Variants in FAM168A observed in about 807,000 individuals in gnomAD.
FAM168A encodes family with sequence similarity 168 member A.
Under a neutral mutation model 28.5 loss-of-function variants are expected in FAM168A, and 3 were observed. The ratio of observed to expected loss-of-function variants is 0.11; its 90% CI spans 0.05 to 0.27. FAM168A has a LOEUF of 0.27. FAM168A is among the 10% of genes least tolerant of loss of function. The pLI, the probability that FAM168A is intolerant of heterozygous loss-of-function variation, is 1.00. For missense variants in FAM168A, 222 were observed against 311.5 expected (o/e 0.71, Z 2.16); for synonymous variants, 122 against 124.2 (o/e 0.98, Z 0.12).
At position 73,550,445 on chromosome 11, in the gene FAM168A, A is replaced by G. The variant is rs939082015; in HGVS notation, c.-19+47478T>C. On this transcript the variant is annotated intron_variant, in intron 1 of 7. Transcript: ENST00000356467. The stretch of plus-strand genomic sequence containing the variant: ...CAAGGCAGGCAGACTGCTGGAGCCC[A>G]GGAGTTCAAGACCAGCCTGGGCAAC... Among the ~76,000 whole-genome samples, 4 of 152,086 alleles carry G rather than the reference A, an allele frequency of 2.6e-5. No homozygotes were observed. The South Asian group carries it at 8.3e-4, about 32-fold the overall frequency.
Position 73,422,654 on chromosome 11 carries a change from T to G in FAM168A, c.152-2655A>C, listed in dbSNP as rs141461331. ...CTTTGGGTGCTTGAAAAGTACCACT[T>G]CCTAGAGATGTTTTGTATTTTGAAC... On this transcript the variant is annotated intron_variant, in intron 3 of 7. Coordinates refer to ENST00000356467, the MANE Select transcript of FAM168A (RefSeq NM_015159.3). 7.2e-5 allele frequency among the ~76,000 whole-genome samples: 11 copies of G among 152,346 alleles called. No individual in the cohort carries two copies. In the East Asian group the frequency reaches 1.9e-3, roughly 27 times the overall value.
chr11:73,543,827 C>A (rs192737014), intron 1 of FAM168A, among the ~76,000 whole-genome samples: 1 of 152,162 alleles, frequency 6.6e-6, no homozygotes, highest in East Asian at 1.9e-4. Flanking sequence ...TATCACCAAG[C>A]TAGGTAGTAA....
In FAM168A at chr11:73,404,566, T is replaced by C. The variant is rs1866469427; in HGVS notation, c.*2197A>G. ...GTATTTGCAAAAAGTGAATTAACAC[T>C]GGAAAACTTTCTATTGTTTTAAAGT... On this transcript the variant is annotated 3_prime_UTR_variant, in exon 8 of 8. Transcript: ENST00000356467. 1 of 152,246 alleles carries C rather than the reference T, an allele frequency of 6.6e-6. No homozygotes were observed. The highest frequency in any genetic ancestry group is 6.5e-5 in the Admixed American group (1 of 15,290). The allele number at this position is 152,246 out of a possible 1,614,324, so 9.4% of individuals were successfully genotyped here. A position where few individuals can be genotyped will look rare whatever the true frequency, so the allele number is the denominator to read the frequency against.
chr11:73,435,784 A>C (rs1000407044), intron 2 of FAM168A, among the ~76,000 whole-genome samples: 4 of 152,146 alleles, frequency 2.6e-5, no homozygotes, highest in Admixed American at 2.0e-4. Flanking sequence ...TGAGTTCTTG[A>C]AAAGACATAC....
chr11:73,576,643 T>C (rs950492955), intron 1 of FAM168A, among the ~76,000 whole-genome samples: 3 of 152,190 alleles, frequency 2.0e-5, no homozygotes, highest in Non-Finnish European at 2.9e-5. Flanking sequence ...GTTTTCTACA[T>C]GCCCCCCAAC....
chr11:73,584,693 G>A (rs1442967610), intron 1 of FAM168A, among the ~76,000 whole-genome samples: 1 of 151,366 alleles, frequency 6.6e-6, no homozygotes, highest in African/African-American at 2.4e-5. Flanking sequence ...TAGCCAGGAT[G>A]GTCTTGATCT....
At chr11:73,431,385 G>T (rs1163242742) in intron 2 of FAM168A, among the ~76,000 whole-genome samples, 1 of 137,092 alleles carries the variant, frequency 7.3e-6, no homozygotes, top group East Asian at 2.2e-4. Context: ...AAGCAACATT[G>T]AAGTTTACAC....
intron 1 of FAM168A, among the ~76,000 whole-genome samples, chr11:73,545,557 A>G (rs995591802): frequency 4.6e-5 from 7 of 152,154 alleles, no homozygotes; most frequent in African/African-American, 1.7e-4. Context: ...AAAACCACTC[A>G]ACTATACAAT....
intron 1 of FAM168A, among the ~76,000 whole-genome samples, chr11:73,520,505 A>G (rs570406898): frequency 1.3e-5 from 2 of 152,334 alleles, no homozygotes; most frequent in Non-Finnish European, 2.9e-5. Context: ...ACAAAGGAAC[A>G]TATGGTTTGA....
At chr11:73,426,826 TG>T (rs1866894344) in intron 3 of FAM168A, among the ~76,000 whole-genome samples, 1 of 152,060 alleles carries the variant, frequency 6.6e-6, no homozygotes, top group Non-Finnish European at 1.5e-5. Flanking sequence ...ACTCCGAGTT[TG>T]GGGCCTTTAA....
At chr11:73,459,695 A>T (rs1213061509) in intron 2 of FAM168A, among the ~76,000 whole-genome samples, 2 of 152,074 alleles carry the variant, frequency 1.3e-5, no homozygotes, top group African/African-American at 4.8e-5. Context: ...GAATTGTCAA[A>T]TTTCAACTAT....
At chr11:73,518,590 C>T (rs982714025) in intron 1 of FAM168A, among the ~76,000 whole-genome samples, 1 of 151,830 alleles carries the variant, frequency 6.6e-6, no homozygotes, top group African/African-American at 2.4e-5. Flanking sequence ...TTGTTCCCTC[C>T]AGTGCTGGCT....
At chr11:73,525,314 T>G (rs978687369) in intron 1 of FAM168A, among the ~76,000 whole-genome samples, 1 of 152,142 alleles carries the variant, frequency 6.6e-6, no homozygotes, top group African/African-American at 2.4e-5. Context: ...TTTTTTAAAC[T>G]GGGGAAAGGG....
At chr11:73,445,833 A>C (rs1321685269) in intron 2 of FAM168A, among the ~76,000 whole-genome samples, 2 of 152,176 alleles carry the variant, frequency 1.3e-5, no homozygotes, top group African/African-American at 2.4e-5. Context: ...CAAATATTCT[A>C]TCTCTGTTTC....
intron 2 of FAM168A, among the ~76,000 whole-genome samples, chr11:73,465,123 G>A (rs1221649105): frequency 6.6e-6 from 1 of 150,638 alleles, no homozygotes; most frequent in Non-Finnish European, 1.5e-5. Context: ...ATCTGTATAG[G>A]TCATTATTCC....
intron 1 of FAM168A, among the ~76,000 whole-genome samples, chr11:73,505,073 G>A (rs776967748): frequency 2.0e-5 from 3 of 151,814 alleles, no homozygotes; most frequent in South Asian, 2.1e-4. Flanking sequence ...CATGGCACAC[G>A]TATACCTATG....
At chr11:73,469,837 T>C (rs550083306) in intron 1 of FAM168A, among the ~76,000 whole-genome samples, 8 of 152,312 alleles carry the variant, frequency 5.3e-5, no homozygotes, top group African/African-American at 1.9e-4. Flanking sequence ...ACATACACTC[T>C]CTCTCTAAAT....
At chr11:73,440,634 A>C (rs900604861) in intron 2 of FAM168A, among the ~76,000 whole-genome samples, 5 of 152,194 alleles carry the variant, frequency 3.3e-5, no homozygotes, top group African/African-American at 1.2e-4. Flanking sequence ...GTCTCAAAAG[A>C]AGAAAAAGGA....
chr11:73,561,081 C>A (rs559420452), intron 1 of FAM168A, among the ~76,000 whole-genome samples: 1,815 of 123,870 alleles, frequency 0.015, 52 homozygotes, highest in African/African-American at 0.041. Context: ...AAACAAAAAA[C>A]AAAAAGACCG....
Sources: allele counts gnomAD v4.1 joint callset (sites outside exome capture counted in the v4.1 genomes callset), GRCh38; gene constraint gnomAD v4.1.1; transcripts MANE v1.5; gene names NCBI Gene and HGNC (gene_info 2026-07-23, HGNC 2026-07-21).